The following CAMK2B variants were observed in gnomAD, a reference collection of about 807,000 sequenced individuals.
CAMK2B encodes calcium/calmodulin-dependent protein kinase type II subunit beta.
CAMK2B carries 27 observed loss-of-function variants against 93.7 expected under a neutral mutation model. That is an observed-to-expected ratio of 0.29 (90% CI 0.21 to 0.40). The LOEUF is 0.40. Among genes scored for constraint, CAMK2B ranks in the 10% least tolerant of loss-of-function variants. The probability of loss-of-function intolerance (pLI) is 1.00; values close to 1 mark genes in which losing one functional copy is unlikely to be tolerated. For synonymous variants in CAMK2B, 374 were observed against 358.8 expected (o/e 1.04, Z -0.48); for missense variants, 568 against 895.8 (o/e 0.63, Z 4.67).
At chr7:44,282,563 C>T (rs1253263513) in intron 2 of CAMK2B, among the ~76,000 whole-genome samples, 1 of 152,248 alleles carries the variant, frequency 6.6e-6, no homozygotes, top group Non-Finnish European at 1.5e-5. Context: ...CCCTTCGTGG[C>T]TCAGTGACGA....
intron 3 of CAMK2B, among the ~76,000 whole-genome samples, chr7:44,260,741 G>A (rs1042153582): frequency 6.6e-6 from 1 of 152,148 alleles, no homozygotes; most frequent in African/African-American, 2.4e-5. Flanking sequence ...ACCAGGGTCT[G>A]GGGCCCACTT....
chr7:44,309,602 G>A (rs2116043084), intron 1 of CAMK2B, among the ~76,000 whole-genome samples: 1 of 152,330 alleles, frequency 6.6e-6, no homozygotes, highest in Non-Finnish European at 1.5e-5. Context: ...TGACCCCAGG[G>A]TGCGGGTGTG....
chr7:44,229,315 CT>C, intron 18 of CAMK2B, 72 bp downstream of exon 18: 1 of 1,010,514 alleles, frequency 9.9e-7, no homozygotes, highest in Non-Finnish European at 1.4e-6. Flanking sequence ...GCCCTCGGCT[CT>C]GGAGTGGCCC....
chr7:44,269,161 A>G (rs1006987026), intron 2 of CAMK2B, among the ~76,000 whole-genome samples: 3 of 152,224 alleles, frequency 2.0e-5, no homozygotes, highest in Admixed American at 6.5e-5. Flanking sequence ...GGCAAAGATG[A>G]GGAAACTGAG....
intron 6 of CAMK2B, chr7:44,244,982 G>C (rs780479131): frequency 2.2e-6 from 1 of 455,782 alleles, no homozygotes; most frequent in Non-Finnish European, 4.4e-6. Flanking sequence ...TTTTGCCAAC[G>C]TGAGTGGGTG....
intron 5 of CAMK2B, among the ~76,000 whole-genome samples, chr7:44,250,519 T>A (rs2096770237): frequency 6.7e-6 from 1 of 149,548 alleles, no homozygotes; most frequent in South Asian, 2.1e-4. Context: ...CTTTCAGTAG[T>A]GACATTGCTT....
At chr7:44,258,099 C>T (rs1163123149) in intron 4 of CAMK2B, among the ~76,000 whole-genome samples, 1 of 152,236 alleles carries the variant, frequency 6.6e-6, no homozygotes, top group Non-Finnish European at 1.5e-5. Flanking sequence ...CAGGAACTGT[C>T]AAAAGTGAGG....
chr7:44,240,971 G>A (rs2096672428), intron 11 of CAMK2B, among the ~76,000 whole-genome samples: 3 of 152,250 alleles, frequency 2.0e-5, no homozygotes, highest in South Asian at 4.2e-4. Flanking sequence ...GCCTAAACCT[G>A]TTGACCAACT....
rs144775578 is a variant in CAMK2B, at chr7:44,261,358, C to T, written c.220+1647G>A. On this transcript the variant is annotated intron_variant, in intron 3 of 23. Coordinates refer to ENST00000395749, the MANE Select transcript of CAMK2B (RefSeq NM_001220.5). ...GTCCCAGGGGCCATGGAGGAGATGC[C>T]CCCCGCAGAACCCCCATGGGCAGCT... 5.2e-3 allele frequency among the ~76,000 whole-genome samples: 790 copies of T among 151,994 alleles called. 5 individuals are homozygous for T. Among genetic ancestry groups the T allele is most frequent in the African/African-American group, 0.018 (731 of 41,218 alleles).
Position 44,220,048 on chromosome 7 carries a change from C to G in CAMK2B, c.*2+12G>C. On this transcript the variant is annotated intron_variant, in intron 23 of 23. Transcript: ENST00000395749. ...CCTCTGCCCCAGCTGTCACTTAGCA[C>G]AGAACACTCACCTTCACTGCAGCGG... 1 of 1,555,372 alleles carries G rather than the reference C, an allele frequency of 6.4e-7. No individual in the cohort carries two copies. Among genetic ancestry groups the G allele is most frequent in the Non-Finnish European group, 8.7e-7 (1 of 1,154,268 alleles).
At chr7:44,226,305 T>C (rs1256913985) in intron 20 of CAMK2B, among the ~76,000 whole-genome samples, 1 of 152,216 alleles carries the variant, frequency 6.6e-6, no homozygotes, top group South Asian at 2.1e-4. Context: ...TATACACATA[T>C]GTCATACACA....
chr7:44,259,598 GCCTGGC>G (rs145477121), intron 3 of CAMK2B: 10,327 of 152,616 alleles, frequency 0.068, 511 homozygotes, highest in Non-Finnish European at 0.093. Context: ...TGTGAAGCGT[GCCTGGC>G]CCTGGAACTC....
intron 1 of CAMK2B, chr7:44,323,872 G>A: frequency 6.2e-6 from 1 of 162,128 alleles, no homozygotes. Flanking sequence ...GTAGATCGGT[G>A]CATCTGAGGG....
intron 20 of CAMK2B, among the ~76,000 whole-genome samples, chr7:44,223,327 G>A (rs1328574550): frequency 6.6e-6 from 1 of 152,144 alleles, no homozygotes; most frequent in Non-Finnish European, 1.5e-5. Context: ...ACCATGTCAT[G>A]GATGGTCCTC....
At chr7:44,270,555 C>T (rs766136916) in intron 2 of CAMK2B, among the ~76,000 whole-genome samples, 1 of 152,228 alleles carries the variant, frequency 6.6e-6, no homozygotes, top group Non-Finnish European at 1.5e-5. Context: ...TCAGGCCCTA[C>T]GCAGGGGCCT....
At chr7:44,219,748 T>C (rs1380404235) in intron 23 of CAMK2B, 7 of 436,178 alleles carry the variant, frequency 1.6e-5, no homozygotes, top group African/African-American at 1.4e-4. Flanking sequence ...GCTCTAACAG[T>C]CCTCACAAAC....
chr7:44,262,762 C>G (rs997020450), intron 3 of CAMK2B, among the ~76,000 whole-genome samples: 11 of 152,162 alleles, frequency 7.2e-5, no homozygotes, highest in Non-Finnish European at 1.3e-4. Context: ...GCTGGGCACC[C>G]AGAGCCCCAC....
At chr7:44,318,287 G>C (rs764101276) in intron 1 of CAMK2B, among the ~76,000 whole-genome samples, 1 of 152,162 alleles carries the variant, frequency 6.6e-6, no homozygotes, top group African/African-American at 2.4e-5. Flanking sequence ...GCATTTCACC[G>C]GGTGACAAGA....
intron 1 of CAMK2B, among the ~76,000 whole-genome samples, chr7:44,314,161 A>C (rs949585497): frequency 6.6e-6 from 1 of 152,212 alleles, no homozygotes; most frequent in African/African-American, 2.4e-5. Flanking sequence ...ACCCATTTAG[A>C]GTATATAATT....
Sources: gnomAD v4.1 joint callset for allele counts (sites outside exome capture counted in the v4.1 genomes callset) on GRCh38, gnomAD v4.1.1 for gene constraint, MANE v1.5 for transcripts, NCBI Gene and HGNC (gene_info 2026-07-23, HGNC 2026-07-21) for gene names.